LRRC7: variants seen among roughly 807,000 people sequenced by gnomAD.
LRRC7 encodes the protein leucine-rich repeat-containing protein 7.
A neutral mutation model predicts 175.7 loss-of-function variants in LRRC7; 23 were observed. The observed-to-expected ratio is 0.13, with a 90% CI of 0.09 to 0.19. The LOEUF is 0.19. Ranked by LOEUF, LRRC7 falls within the 10% of genes least tolerant of loss-of-function variation. The pLI, the probability that LRRC7 is intolerant of heterozygous loss-of-function variation, is 1.00. For synonymous variants in LRRC7, 685 were observed against 680.9 expected, an observed-to-expected ratio of 1.01 and a Z score of -0.09; for missense variants, 1,354 against 1,904.7, an observed-to-expected ratio of 0.71 and a Z score of 5.38.
intron 1 of LRRC7, among the ~76,000 whole-genome samples, chr1:69,653,291 T>G (rs59333564): frequency 1.3e-5 from 2 of 151,724 alleles, no homozygotes; most frequent in Middle Eastern, 3.4e-3. Flanking sequence ...AACTTTTTTT[T>G]AATTTTTTTA....
At chr1:69,775,554 A>T (rs1007457389) in intron 3 of LRRC7, among the ~76,000 whole-genome samples, 3 of 152,224 alleles carry the variant, frequency 2.0e-5, no homozygotes, top group African/African-American at 4.8e-5. Context: ...GGATTACTTC[A>T]TAGAGATTAT....
chr1:69,673,527 C>A (rs1183766590), intron 1 of LRRC7, among the ~76,000 whole-genome samples: 1 of 152,208 alleles, frequency 6.6e-6, no homozygotes, highest in Non-Finnish European at 1.5e-5. Context: ...AGAACAGCTC[C>A]TTTGCAGTGA....
intron 22 of LRRC7, among the ~76,000 whole-genome samples, chr1:70,051,119 C>A (rs1358201579): frequency 3.3e-5 from 5 of 151,962 alleles, no homozygotes; most frequent in Non-Finnish European, 7.4e-5. Flanking sequence ...AAAAGGATTT[C>A]ACATTTTTTA....
chr1:69,919,633 G>C (rs1341979446), intron 7 of LRRC7: 4 of 857,860 alleles, frequency 4.7e-6, no homozygotes, highest in Admixed American at 3.5e-5. Flanking sequence ...ACATCCAGAA[G>C]ATCAAGGCAG....
intron 1 of LRRC7, among the ~76,000 whole-genome samples, chr1:69,625,898 A>G (rs1172505366): frequency 6.6e-6 from 1 of 152,156 alleles, no homozygotes; most frequent in East Asian, 1.9e-4. Context: ...TTTGAATACA[A>G]TGTGTGTTTT....
At chr1:69,735,391 C>T (rs1339911288) in intron 2 of LRRC7, among the ~76,000 whole-genome samples, 2 of 152,022 alleles carry the variant, frequency 1.3e-5, no homozygotes, top group East Asian at 1.9e-4. Flanking sequence ...GTCCCATATA[C>T]TGGATTTGTT....
chr1:69,741,629 A>G (rs1668722783), intron 2 of LRRC7, among the ~76,000 whole-genome samples: 2 of 151,930 alleles, frequency 1.3e-5, no homozygotes, highest in African/African-American at 4.8e-5. Context: ...GGGAAGAATT[A>G]ATAACCAAAT....
intron 8 of LRRC7, among the ~76,000 whole-genome samples, chr1:69,973,168 G>A (rs921209580): frequency 6.6e-6 from 1 of 151,366 alleles, no homozygotes; most frequent in Non-Finnish European, 1.5e-5. Context: ...ATTATTCTAA[G>A]CAAAGTAACT....
intron 2 of LRRC7, among the ~76,000 whole-genome samples, chr1:69,717,999 A>G (rs1665808355): frequency 6.7e-6 from 1 of 149,184 alleles, no homozygotes; most frequent in Admixed American, 6.7e-5. Context: ...GGAGAGAAAG[A>G]AAGAAAAGAG....
At chr1:69,882,411 G>T (rs1361673684) in intron 7 of LRRC7, among the ~76,000 whole-genome samples, 5 of 152,110 alleles carry the variant, frequency 3.3e-5, no homozygotes, top group African/African-American at 1.2e-4. Flanking sequence ...GCAGTCCCAT[G>T]TTCATTGCAG....
chr1:69,906,098 T>A (rs1469426200), intron 7 of LRRC7, among the ~76,000 whole-genome samples: 1 of 152,224 alleles, frequency 6.6e-6, no homozygotes, highest in Non-Finnish European at 1.5e-5. Context: ...CACTTTTTGA[T>A]GGGGTTGTTT....
At chr1:70,059,473 AAG>A (rs1491352587) in intron 23 of LRRC7, among the ~76,000 whole-genome samples, 2 of 99,548 alleles carry the variant, frequency 2.0e-5, no homozygotes, top group African/African-American at 8.9e-5. Context: ...AACTAGAAGA[AAG>A]TGTGTGTGTG....
intron 25 of LRRC7, among the ~76,000 whole-genome samples, chr1:70,100,709 C>T (rs191953725): frequency 3.9e-5 from 6 of 152,106 alleles, no homozygotes; most frequent in Admixed American, 2.0e-4. Context: ...GTTTCTAAAG[C>T]AATTCTCCTT....
At position 69,908,525 on chromosome 1, in the gene LRRC7, G is replaced by A. The variant is rs1570603009; in HGVS notation, c.648-22982G>A. Among the ~76,000 whole-genome samples, 2 of 152,298 alleles carry A rather than the reference G, an allele frequency of 1.3e-5. 1 individual carries two copies. Among genetic ancestry groups the A allele is most frequent in the African/African-American group, 4.8e-5 (2 of 41,558 alleles). ...CTGCCTTCATTTTGTTATGTATCCA[G>A]TAGTCATTCAGGAGCAGGTTGTTCA... On this transcript the variant is annotated intron_variant, in intron 7 of 26. Transcript: ENST00000651989.
intron 2 of LRRC7, among the ~76,000 whole-genome samples, chr1:69,751,969 C>T (rs1403024011): frequency 4.6e-5 from 7 of 152,002 alleles, no homozygotes; most frequent in Non-Finnish European, 8.8e-5. Flanking sequence ...AACTGGTTTC[C>T]CTGTATTGAT....
intron 26 of LRRC7, among the ~76,000 whole-genome samples, chr1:70,111,562 CAT>C (rs1183946763): frequency 1.3e-5 from 2 of 152,078 alleles, no homozygotes; most frequent in African/African-American, 2.4e-5. Context: ...AATTTATCGT[CAT>C]AGTTTCTTTT....
chr1:70,015,587 T>C (rs1656894523), intron 13 of LRRC7, among the ~76,000 whole-genome samples: 1 of 152,182 alleles, frequency 6.6e-6, no homozygotes, highest in Non-Finnish European at 1.5e-5. Context: ...GCTAACTAGC[T>C]TTGATGGTAA....
At chr1:69,694,420 C>T (rs186567665) in intron 2 of LRRC7, among the ~76,000 whole-genome samples, 2 of 152,120 alleles carry the variant, frequency 1.3e-5, no homozygotes, top group Non-Finnish European at 2.9e-5. Context: ...GCTGATTTTC[C>T]CTGATTTTTT....
intron 22 of LRRC7, among the ~76,000 whole-genome samples, chr1:70,047,728 C>T (rs1311094817): frequency 6.6e-6 from 1 of 151,762 alleles, no homozygotes; most frequent in Admixed American, 6.6e-5. Flanking sequence ...TAAATATAGG[C>T]TTTCTATACT....
Sources: gnomAD v4.1 joint callset for allele counts (sites outside exome capture counted in the v4.1 genomes callset) on GRCh38, gnomAD v4.1.1 for gene constraint, MANE v1.5 for transcripts, NCBI Gene and HGNC (gene_info 2026-07-23, HGNC 2026-07-21) for gene names.